The following ZRANB3 variants were observed in gnomAD, a reference collection of about 807,000 sequenced individuals.
The protein encoded by ZRANB3 is DNA annealing helicase and endonuclease ZRANB3.
Under a neutral mutation model 133.8 loss-of-function variants are expected in ZRANB3, and 125 were observed. The ratio of observed to expected loss-of-function variants is 0.93; its 90% CI spans 0.81 to 1.08. ZRANB3 has a LOEUF of 1.08. Ranked by LOEUF, ZRANB3 falls within the 50% of genes least tolerant of loss-of-function variation. The pLI, the probability that ZRANB3 is intolerant of heterozygous loss-of-function variation, is 0.00. For missense variants in ZRANB3, 1,229 were observed against 1,275.5 expected, an observed-to-expected ratio of 0.96 and a Z score of 0.56; for synonymous variants, 387 against 432.7, an observed-to-expected ratio of 0.89 and a Z score of 1.31.
At chr2:135,240,198 C>T (rs1358000142) in intron 12 of ZRANB3, among the ~76,000 whole-genome samples, 3 of 151,988 alleles carry the variant, frequency 2.0e-5, no homozygotes, top group Non-Finnish European at 4.4e-5. Flanking sequence ...AAAAATTAGC[C>T]AGGCATGGTG....
rs374104494 is a variant in ZRANB3, at chr2:135,245,449, T to C, written c.1540-14522A>G. On this transcript the variant is annotated intron_variant, in intron 12 of 20. Coordinates refer to ENST00000264159, the MANE Select transcript of ZRANB3 (RefSeq NM_032143.4). ...AGAGGGTCTCCTGGTTTACTGAAAA[T>C]GATTTTTTGTTTTGTTTTTTGAGGC... Among the ~76,000 whole-genome samples the C allele has an allele frequency of 4.6e-5, 7 of 152,108 alleles. No homozygotes were observed. The East Asian group carries it at 1.4e-3, about 30-fold the overall frequency.
At chr2:135,451,692 A>G (rs1690279447) in intron 2 of ZRANB3, among the ~76,000 whole-genome samples, 1 of 152,220 alleles carries the variant, frequency 6.6e-6, no homozygotes, top group Non-Finnish European at 1.5e-5. Context: ...AAACTGACCA[A>G]CAATGAGGAG....
intron 3 of ZRANB3, among the ~76,000 whole-genome samples, chr2:135,365,675 A>G (rs955833450): frequency 6.6e-6 from 1 of 152,242 alleles, no homozygotes; most frequent in Non-Finnish European, 1.5e-5. Context: ...AAGAGCAGAT[A>G]AGAAGCATTT....
intron 3 of ZRANB3, among the ~76,000 whole-genome samples, chr2:135,361,046 C>T (rs932894430): frequency 1.3e-5 from 2 of 152,266 alleles, no homozygotes; most frequent in African/African-American, 4.8e-5. Context: ...TCCCAAAGTG[C>T]TGAGATTACA....
chr2:135,470,608 ATT>A (rs1691213432), intron 2 of ZRANB3, among the ~76,000 whole-genome samples: 1 of 151,434 alleles, frequency 6.6e-6, no homozygotes, highest in African/African-American at 2.4e-5. Context: ...GATTGCTTGA[ATT>A]CGGGAGGCGG....
chr2:135,217,342 T>C (rs1694352850), intron 17 of ZRANB3, 123 bp downstream of exon 17: 2 of 901,606 alleles, frequency 2.2e-6, no homozygotes, highest in South Asian at 2.1e-5. Flanking sequence ...TGTGATTTTA[T>C]GCATAATTTT....
intron 7 of ZRANB3, among the ~76,000 whole-genome samples, chr2:135,314,823 A>G (rs1489816809): frequency 2.7e-5 from 4 of 150,374 alleles, no homozygotes; most frequent in African/African-American, 9.8e-5. Flanking sequence ...ATCTCGGCTC[A>G]CTGCAACCTC....
At chr2:135,323,882 C>G (rs542378199) in intron 6 of ZRANB3, among the ~76,000 whole-genome samples, 6 of 152,018 alleles carry the variant, frequency 3.9e-5, no homozygotes, top group South Asian at 4.2e-4. Flanking sequence ...ATTCTCCTGT[C>G]ACAGCCTCCT....
chr2:135,409,362 T>C (rs561515608), intron 2 of ZRANB3, among the ~76,000 whole-genome samples: 2 of 152,242 alleles, frequency 1.3e-5, no homozygotes, highest in South Asian at 4.1e-4. Context: ...TATCACTGCA[T>C]AAACAGAATT....
At chr2:135,411,574 T>G (rs1688303540) in intron 2 of ZRANB3, among the ~76,000 whole-genome samples, 2 of 152,166 alleles carry the variant, frequency 1.3e-5, no homozygotes, top group Non-Finnish European at 2.9e-5. Context: ...CACCATGGAA[T>G]ATTACCACAA....
intron 1 of ZRANB3, chr2:135,510,519 T>C: frequency 3.2e-6 from 2 of 620,764 alleles, no homozygotes; most frequent in Non-Finnish European, 5.9e-6. Context: ...CTAGGGTTTG[T>C]ATGGCCGCGT....
chr2:135,397,418 A>G (rs767007237), intron 2 of ZRANB3, among the ~76,000 whole-genome samples: 3 of 151,378 alleles, frequency 2.0e-5, no homozygotes, highest in African/African-American at 4.9e-5. Context: ...ACTGCACTTC[A>G]GCCTGGGCAA....
chr2:135,320,608 A>C (rs957981179), intron 6 of ZRANB3, among the ~76,000 whole-genome samples: 1 of 152,218 alleles, frequency 6.6e-6, no homozygotes, highest in Admixed American at 6.5e-5. Context: ...TATATAATTT[A>C]AAAAAGTCAT....
At chr2:135,281,997 T>G (rs538950872) in intron 8 of ZRANB3, among the ~76,000 whole-genome samples, 1 of 152,336 alleles carries the variant, frequency 6.6e-6, no homozygotes, top group Non-Finnish European at 1.5e-5. Flanking sequence ...CTTAGTGTAA[T>G]GGTTTCCAAT....
chr2:135,396,875 T>C (rs901108296), intron 2 of ZRANB3, among the ~76,000 whole-genome samples: 1 of 152,120 alleles, frequency 6.6e-6, no homozygotes, highest in Non-Finnish European at 1.5e-5. Flanking sequence ...TTATTATGCA[T>C]TGTATGCCTG....
chr2:135,294,351 C>T (rs1681922339), intron 8 of ZRANB3, among the ~76,000 whole-genome samples: 1 of 152,138 alleles, frequency 6.6e-6, no homozygotes, highest in South Asian at 2.1e-4. Context: ...GGAATTTATC[C>T]ATTTCTTCTA....
intron 3 of ZRANB3, among the ~76,000 whole-genome samples, chr2:135,381,756 C>T (rs544092207): frequency 6.6e-6 from 1 of 152,166 alleles, no homozygotes; most frequent in Non-Finnish European, 1.5e-5. Context: ...CCTCCAGCAA[C>T]TTCCAACAGA....
chr2:135,514,855 G>A (rs1037610667), intron 1 of ZRANB3, among the ~76,000 whole-genome samples: 2 of 152,114 alleles, frequency 1.3e-5, no homozygotes, highest in African/African-American at 2.4e-5. Flanking sequence ...ATGAAGGGGT[G>A]TTGAATTTTA....
At chr2:135,530,865 G>A (rs1012691372) in intron 1 of ZRANB3, 1 of 152,168 alleles carries the variant, frequency 6.6e-6, no homozygotes, top group African/African-American at 2.4e-5. Flanking sequence ...ACCGCGACAA[G>A]TGAACGGAGG....
Sources: allele counts gnomAD v4.1 joint callset (sites outside exome capture counted in the v4.1 genomes callset), GRCh38; gene constraint gnomAD v4.1.1; transcripts MANE v1.5; gene names NCBI Gene and HGNC (gene_info 2026-07-23, HGNC 2026-07-21).